GNAO1: variants seen among roughly 807,000 people sequenced by gnomAD.
The protein encoded by GNAO1 is G protein subunit alpha o1, also known as guanine nucleotide-binding protein G(o) subunit alpha.
For missense variants in GNAO1, 166 were observed against 478.7 expected (o/e 0.35, Z 6.10); for synonymous variants, 164 against 180.7 (o/e 0.91, Z 0.74).
chr16:56,317,109 AG>A (rs1475646564), intron 3 of GNAO1, among the ~76,000 whole-genome samples: 2 of 152,256 alleles, frequency 1.3e-5, no homozygotes, highest in Non-Finnish European at 2.9e-5. Flanking sequence ...AAAGAAAGTT[AG>A]GATCAAAAAA....
chr16:56,229,838 A>C (rs1158731624), intron 2 of GNAO1, among the ~76,000 whole-genome samples: 1 of 152,162 alleles, frequency 6.6e-6, no homozygotes, highest in Admixed American at 6.5e-5. Context: ...GTGTCTGTGG[A>C]ATGAACGAAA....
intron 2 of GNAO1, among the ~76,000 whole-genome samples, chr16:56,222,029 C>T (rs575224665): frequency 6.6e-6 from 1 of 152,274 alleles, no homozygotes; most frequent in Admixed American, 6.5e-5. Flanking sequence ...AGCTGGAAGT[C>T]AAGCACAGAA....
chr16:56,276,547 C>A (rs181863872), intron 3 of GNAO1: 3 of 154,806 alleles, frequency 1.9e-5, no homozygotes, highest in Admixed American at 1.9e-4. Context: ...TCTGCCTCCC[C>A]TGGGTAAGTA....
chr16:56,281,129 A>G (rs2037110256), intron 3 of GNAO1, among the ~76,000 whole-genome samples: 1 of 152,198 alleles, frequency 6.6e-6, no homozygotes, highest in Admixed American at 6.5e-5. Flanking sequence ...AGGGTCATGC[A>G]ATACAAATTA....
At chr16:56,289,394 T>A (rs1323943696) in intron 3 of GNAO1, among the ~76,000 whole-genome samples, 1 of 152,018 alleles carries the variant, frequency 6.6e-6, no homozygotes, top group Non-Finnish European at 1.5e-5. Context: ...ATGGGCATGG[T>A]CCCCACCCGG....
At chr16:56,343,846 AC>A in intron 6 of GNAO1, 6 of 1,613,834 alleles carry the variant, frequency 3.7e-6, no homozygotes, top group Non-Finnish European at 5.1e-6. Flanking sequence ...AGAGATCTAC[AC>A]CCACGTCACC....
At chr16:56,215,832 G>A (rs560601403) in intron 2 of GNAO1, among the ~76,000 whole-genome samples, 11 of 152,288 alleles carry the variant, frequency 7.2e-5, no homozygotes, top group African/African-American at 2.6e-4. Context: ...TTCACAGTGG[G>A]TTAAGAATTG....
chr16:56,268,538 G>A (rs1257136752), intron 2 of GNAO1, among the ~76,000 whole-genome samples: 20 of 152,286 alleles, frequency 1.3e-4, no homozygotes, highest in Middle Eastern at 6.8e-3. Flanking sequence ...GGTTAAACAC[G>A]AAGTGTCTGT....
At chr16:56,319,776 G>T (rs1392311381) in intron 3 of GNAO1, among the ~76,000 whole-genome samples, 1 of 152,070 alleles carries the variant, frequency 6.6e-6, no homozygotes, top group South Asian at 2.1e-4. Flanking sequence ...CCACTTCTGG[G>T]GGGTACCTGT....
At chr16:56,293,608 C>T (rs559989231) in intron 3 of GNAO1, among the ~76,000 whole-genome samples, 24 of 152,242 alleles carry the variant, frequency 1.6e-4, no homozygotes, top group Non-Finnish European at 2.2e-4. Context: ...TTAAATGGTA[C>T]GTGGATAAAC....
At chr16:56,330,009 G>A (rs2037673428) in intron 4 of GNAO1, among the ~76,000 whole-genome samples, 1 of 152,190 alleles carries the variant, frequency 6.6e-6, no homozygotes, top group Admixed American at 6.5e-5. Context: ...CAGAGGCTGA[G>A]GCCAATGTTC....
chr16:56,354,799 G>A lies in GNAO1; in HGVS notation c.878-67G>A, dbSNP rs117572663. The A allele has an allele frequency of 2.1e-3, 2,002 of 952,430 alleles. 22 individuals are homozygous for A. Among genetic ancestry groups the A allele is most frequent in the East Asian group, 0.018 (751 of 40,822 alleles). 59.0% of individuals were successfully genotyped at this position (952,430 alleles called of 1,614,324 possible). On this transcript the variant is annotated intron_variant, in intron 7 of 8. Transcript: ENST00000262493. This position sits in a 1 kb window ranked among gnomAD's most constrained non-coding sequence, Gnocchi z 4.3. ...GCCACAACCCACTTCTTGTCTTCAT[G>A]TCCCCAGCCCTGTCCACCCACAGCG...
At chr16:56,265,777 G>T (rs767872513) in intron 2 of GNAO1, among the ~76,000 whole-genome samples, 1 of 152,124 alleles carries the variant, frequency 6.6e-6, no homozygotes, top group African/African-American at 2.4e-5. Flanking sequence ...GTTTGGGGAC[G>T]AATGTGTTTT....
At position 56,345,649 on chromosome 16, in the gene GNAO1, G is replaced by A. The variant is rs567748330; in HGVS notation, c.724-5735G>A. 12 of 985,478 alleles carry A rather than the reference G, an allele frequency of 1.2e-5. No homozygotes were observed. In the East Asian group the frequency reaches 7.9e-4, roughly 65 times the overall value. The allele number at this position is 985,478 out of a possible 1,614,324, so 61.0% of individuals were successfully genotyped here. On this transcript the variant is annotated intron_variant, in intron 6 of 8. Coordinates refer to ENST00000262493, the MANE Select transcript of GNAO1 (RefSeq NM_020988.3). ...TTTTGTTCACCTCGGTCATGTTTTG[G>A]ACCTTGCACCAGGTGCTGGGACGTG... is the stretch of plus-strand genomic sequence containing the variant.
intron 6 of GNAO1, among the ~76,000 whole-genome samples, chr16:56,348,946 C>T (rs1007911669): frequency 2.6e-5 from 4 of 152,228 alleles, no homozygotes; most frequent in African/African-American, 9.6e-5. Flanking sequence ...GATCATCTTT[C>T]TCCAGCTGGA....
intron 2 of GNAO1, chr16:56,194,232 T>C (rs1002362522): frequency 8.8e-6 from 4 of 456,580 alleles, no homozygotes; most frequent in South Asian, 1.5e-5. Context: ...GTAATTTAGC[T>C]TGGGGCTTCT....
intron 2 of GNAO1, among the ~76,000 whole-genome samples, chr16:56,262,444 G>T (rs2036912122): frequency 6.6e-6 from 1 of 152,192 alleles, no homozygotes; most frequent in Non-Finnish European, 1.5e-5. Context: ...AGCAGCTTTT[G>T]TGGTCTTTTC....
intron 3 of GNAO1, chr16:56,301,171 C>T (rs547838810): frequency 3.3e-5 from 5 of 152,346 alleles, no homozygotes; most frequent in African/African-American, 9.6e-5. Flanking sequence ...ATAAAAATAA[C>T]AGATAGCTAT....
At chr16:56,290,277 G>C (rs1486697596) in intron 3 of GNAO1, among the ~76,000 whole-genome samples, 1 of 152,176 alleles carries the variant, frequency 6.6e-6, no homozygotes, top group African/African-American at 2.4e-5. Context: ...CTGAGTATTT[G>C]ATCAATGTTT....
Sources: gnomAD v4.1 joint callset for allele counts (sites outside exome capture counted in the v4.1 genomes callset) on GRCh38, gnomAD v4.1.1 for gene constraint, Gnocchi (gnomAD v3.1) non-coding constraint, MANE v1.5 for transcripts, NCBI Gene and HGNC (gene_info 2026-07-23, HGNC 2026-07-21) for gene names.